The following CACNA2D3 variants were observed in gnomAD, a reference collection of about 807,000 sequenced individuals.
CACNA2D3 encodes the protein voltage-dependent calcium channel subunit alpha-2/delta-3.
In CACNA2D3, 60 loss-of-function variants were observed where a neutral mutation model predicts 160.6. The observed-to-expected ratio is 0.37, with a 90% CI of 0.30 to 0.46. The LOEUF is 0.46. CACNA2D3 is among the 20% of genes least tolerant of loss of function. CACNA2D3 has a pLI of 1.00. For synonymous variants in CACNA2D3, 558 were observed against 492.9 expected (o/e 1.13, Z -1.75); for missense variants, 1,205 against 1,365.0 (o/e 0.88, Z 1.85).
chr3:55,016,458 G>T (rs1051925163), intron 34 of CACNA2D3, among the ~76,000 whole-genome samples: 6 of 152,202 alleles, frequency 3.9e-5, no homozygotes, highest in Admixed American at 2.6e-4. Context: ...CACAGCAGTG[G>T]CAGGATTCAC....
chr3:54,345,119 G>A (rs936963761), intron 3 of CACNA2D3, among the ~76,000 whole-genome samples: 7 of 152,172 alleles, frequency 4.6e-5, no homozygotes, highest in Admixed American at 6.5e-5. Flanking sequence ...ATGCACAACC[G>A]ACAGCCCTTG....
chr3:54,625,390 A>C lies in CACNA2D3; in HGVS notation c.964-2397A>C, dbSNP rs562261346. ...GCTGACCTGGATTGAAACCTGGGCC[A>C]GGCAACTAGGTGGTGTGTGTATTTG... is the stretch of plus-strand genomic sequence containing the variant. On this transcript the variant is annotated intron_variant, in intron 9 of 37. Coordinates refer to ENST00000474759, the MANE Select transcript of CACNA2D3 (RefSeq NM_018398.3). 7.9e-5 allele frequency among the ~76,000 whole-genome samples: 12 copies of C among 152,390 alleles called. No individual in the cohort carries two copies. The South Asian group carries it at 1.2e-3, about 16-fold the overall frequency.
chr3:54,991,224 A>AT (rs72441718), intron 31 of CACNA2D3, among the ~76,000 whole-genome samples: 9,211 of 138,702 alleles, frequency 0.066, 366 homozygotes, highest in African/African-American at 0.096. Context: ...AGTGTCGAGT[A>AT]TTTTTTTTTT....
chr3:54,871,957 G>A (rs1311270415), intron 18 of CACNA2D3, among the ~76,000 whole-genome samples: 2 of 152,216 alleles, frequency 1.3e-5, no homozygotes, highest in African/African-American at 4.8e-5. Context: ...GAACCTGGCT[G>A]GGCAACAGCA....
At chr3:55,042,615 T>A (rs917478718) in intron 35 of CACNA2D3, among the ~76,000 whole-genome samples, 1 of 152,244 alleles carries the variant, frequency 6.6e-6, no homozygotes, top group African/African-American at 2.4e-5. Flanking sequence ...TATATTTTAC[T>A]GTATTTTTAT....
At chr3:54,195,735 G>C (rs11717243) in intron 2 of CACNA2D3, among the ~76,000 whole-genome samples, 4,514 of 152,168 alleles carry the variant, frequency 0.03, 97 homozygotes, top group South Asian at 0.13. Context: ...GGTTTTCACA[G>C]GTTTGGTGGA....
At chr3:54,980,040 T>C (rs1419616291) in intron 29 of CACNA2D3, among the ~76,000 whole-genome samples, 2 of 152,228 alleles carry the variant, frequency 1.3e-5, no homozygotes, top group East Asian at 1.9e-4. Flanking sequence ...AGCACAACTA[T>C]ATAAATATAT....
At chr3:54,863,547 A>T (rs1388616860) in intron 17 of CACNA2D3, among the ~76,000 whole-genome samples, 1 of 152,068 alleles carries the variant, frequency 6.6e-6, no homozygotes, top group Non-Finnish European at 1.5e-5. Context: ...TGAGAATGGG[A>T]GCTTAAATCC....
At chr3:55,021,115 A>G (rs1703436432) in intron 35 of CACNA2D3, among the ~76,000 whole-genome samples, 1 of 152,098 alleles carries the variant, frequency 6.6e-6, no homozygotes, top group South Asian at 2.1e-4. Context: ...ACTATTAGTG[A>G]CTGGTGGGAT....
At chr3:54,700,970 C>T (rs1700757896) in intron 11 of CACNA2D3, among the ~76,000 whole-genome samples, 1 of 152,182 alleles carries the variant, frequency 6.6e-6, no homozygotes, top group Non-Finnish European at 1.5e-5. Flanking sequence ...AGCATATTCT[C>T]AAAAAGTAAG....
chr3:54,199,577 T>C (rs1223213695), intron 2 of CACNA2D3, among the ~76,000 whole-genome samples: 9 of 151,896 alleles, frequency 5.9e-5, no homozygotes, highest in Admixed American at 5.2e-4. Context: ...TTTGCCATGT[T>C]CCCCAGGCTG....
At chr3:54,300,042 C>T (rs779447598) in intron 2 of CACNA2D3, among the ~76,000 whole-genome samples, 31 of 152,204 alleles carry the variant, frequency 2.0e-4, no homozygotes, top group Non-Finnish European at 1.8e-4. Flanking sequence ...AAAGGATTTT[C>T]TCTCCGATCA....
chr3:54,454,344 C>A (rs1437472777), intron 4 of CACNA2D3, among the ~76,000 whole-genome samples: 2 of 152,118 alleles, frequency 1.3e-5, no homozygotes, highest in Non-Finnish European at 2.9e-5. Context: ...CCCTCCCTCA[C>A]CCCCAAAAGT....
At chr3:54,167,634 T>TA (rs887651510) in intron 2 of CACNA2D3, among the ~76,000 whole-genome samples, 21 of 152,180 alleles carry the variant, frequency 1.4e-4, no homozygotes, top group African/African-American at 4.8e-4. Flanking sequence ...GGTTGGGGTC[T>TA]AGAGGTCATC....
At chr3:54,704,715 C>T (rs774399708) in intron 11 of CACNA2D3, among the ~76,000 whole-genome samples, 14 of 152,132 alleles carry the variant, frequency 9.2e-5, no homozygotes, top group African/African-American at 1.4e-4. Flanking sequence ...TAACATGAGG[C>T]AGTGTCACAG....
chr3:54,217,201 G>A (rs1701478852), intron 2 of CACNA2D3, among the ~76,000 whole-genome samples: 1 of 152,172 alleles, frequency 6.6e-6, no homozygotes, highest in South Asian at 2.1e-4. Context: ...GCAGCCAGAG[G>A]CGTGTTCAGC....
At chr3:54,225,150 G>A (rs1447927829) in intron 2 of CACNA2D3, among the ~76,000 whole-genome samples, 1 of 150,862 alleles carries the variant, frequency 6.6e-6, no homozygotes, top group African/African-American at 2.4e-5. Flanking sequence ...TCCCCTTCCT[G>A]TGTCCAGGTG....
intron 2 of CACNA2D3, among the ~76,000 whole-genome samples, chr3:54,319,385 C>A (rs565876063): frequency 6.6e-6 from 1 of 152,138 alleles, no homozygotes; most frequent in South Asian, 2.1e-4. Flanking sequence ...AGATGTGGAG[C>A]CCCTTGATTT....
chr3:54,538,996 T>C (rs548146476), intron 5 of CACNA2D3, among the ~76,000 whole-genome samples: 1 of 152,320 alleles, frequency 6.6e-6, no homozygotes, highest in Non-Finnish European at 1.5e-5. Context: ...ACTTGGTGGC[T>C]TACGTTCACT....
Sources: allele counts gnomAD v4.1 joint callset (sites outside exome capture counted in the v4.1 genomes callset), GRCh38; gene constraint gnomAD v4.1.1; transcripts MANE v1.5; gene names NCBI Gene and HGNC (gene_info 2026-07-23, HGNC 2026-07-21).